Variants in RBKS observed in about 807,000 individuals in gnomAD.
The protein encoded by RBKS is ribokinase.
Under a neutral mutation model 33.9 loss-of-function variants are expected in RBKS, and 33 were observed. That is an observed-to-expected ratio of 0.97 (90% CI 0.74 to 1.30). The LOEUF (loss-of-function observed/expected upper bound fraction) is 1.30, where lower values mean the gene tolerates loss of function less well. Among genes scored for constraint, RBKS ranks in the 50% most tolerant of loss-of-function variants. RBKS has a pLI of 0.00. For synonymous variants in RBKS, 125 were observed against 143.0 expected (o/e 0.87, Z 0.90); for missense variants, 361 against 392.6 (o/e 0.92, Z 0.68).
chr2:27,821,610 A>C lies in RBKS; in HGVS notation c.795+5957T>G, dbSNP rs568141182. On this transcript the variant is annotated intron_variant, in intron 7 of 7. Transcript: ENST00000302188. ...GCTCTCCTTCCCTCCTTGAACACTA[A>C]AGTATGTATTAATTTCACAAGTAGG... Among the ~76,000 whole-genome samples, 3 of 152,268 alleles carry C rather than the reference A, an allele frequency of 2.0e-5. No individual in the cohort carries two copies. The South Asian group carries it at 6.2e-4, about 32-fold the overall frequency.
chr2:27,794,534 T>C (rs547686315), intron 7 of RBKS, among the ~76,000 whole-genome samples: 4 of 151,676 alleles, frequency 2.6e-5, no homozygotes, highest in Admixed American at 6.6e-5. Context: ...ACCCACCTCA[T>C]TGAGGCAGTT....
At chr2:27,882,602 A>T (rs913581352) in intron 1 of RBKS, among the ~76,000 whole-genome samples, 7 of 152,232 alleles carry the variant, frequency 4.6e-5, no homozygotes, top group Non-Finnish European at 4.4e-5. Flanking sequence ...AATATAAATC[A>T]TTCTGTAACA....
intron 1 of RBKS, among the ~76,000 whole-genome samples, chr2:27,888,660 A>G (rs1288114701): frequency 6.6e-6 from 1 of 152,216 alleles, no homozygotes; most frequent in Non-Finnish European, 1.5e-5. Flanking sequence ...CACCAGTAAA[A>G]TCAATTGCTA....
At chr2:27,861,451 C>G (rs1663982369) in intron 1 of RBKS, 1 of 470,274 alleles carries the variant, frequency 2.1e-6, no homozygotes. Flanking sequence ...CAGCAGCATT[C>G]CTCTTCCACA....
chr2:27,888,982 G>C (rs987933184), intron 1 of RBKS, among the ~76,000 whole-genome samples: 2 of 152,200 alleles, frequency 1.3e-5, no homozygotes, highest in Non-Finnish European at 2.9e-5. Context: ...CACAGTGTCT[G>C]ACAGAATAGT....
At chr2:27,816,286 T>G (rs544269097) in intron 7 of RBKS, among the ~76,000 whole-genome samples, 104 of 152,378 alleles carry the variant, frequency 6.8e-4, no homozygotes, top group Middle Eastern at 6.8e-3. Flanking sequence ...GTGGAAGTAA[T>G]GTAATAGAGC....
At chr2:27,829,320 T>G (rs1228243169) in intron 6 of RBKS, among the ~76,000 whole-genome samples, 2 of 152,028 alleles carry the variant, frequency 1.3e-5, no homozygotes, top group African/African-American at 4.8e-5. Context: ...GTTGGAAAGC[T>G]GTCACACATC....
chr2:27,871,030 G>C, intron 1 of RBKS: 1 of 385,240 alleles, frequency 2.6e-6, no homozygotes, highest in Non-Finnish European at 5.4e-6. Flanking sequence ...TCATCAATTT[G>C]TCTAGTTATG....
chr2:27,858,022 T>C (rs997688069), intron 2 of RBKS, among the ~76,000 whole-genome samples: 6 of 152,208 alleles, frequency 3.9e-5, no homozygotes, highest in Admixed American at 1.3e-4. Context: ...TGGAATATTA[T>C]TCAACCACAA....
chr2:27,858,799 C>A (rs1441787015), intron 1 of RBKS, among the ~76,000 whole-genome samples: 1 of 152,196 alleles, frequency 6.6e-6, no homozygotes, highest in Non-Finnish European at 1.5e-5. Context: ...CTCCTAGAGA[C>A]CACTACTGTG....
intron 7 of RBKS, among the ~76,000 whole-genome samples, chr2:27,816,598 G>A (rs766815563): frequency 1.3e-5 from 2 of 151,738 alleles, no homozygotes; most frequent in Non-Finnish European, 2.9e-5. Flanking sequence ...ACAATCTAAG[G>A]ATATGTGTTT....
intron 1 of RBKS, among the ~76,000 whole-genome samples, chr2:27,880,077 T>G (rs921324415): frequency 3.3e-5 from 5 of 152,188 alleles, no homozygotes; most frequent in Admixed American, 2.6e-4. Flanking sequence ...GAATCCACCA[T>G]GATCAAGTAG....
intron 7 of RBKS, among the ~76,000 whole-genome samples, chr2:27,821,192 G>C (rs981502478): frequency 5.3e-5 from 8 of 151,748 alleles, no homozygotes; most frequent in African/African-American, 1.7e-4. Flanking sequence ...TTTAATTTTG[G>C]CCAAACTTAT....
chr2:27,833,755 GAT>G (rs962792569), intron 5 of RBKS, among the ~76,000 whole-genome samples: 8 of 152,060 alleles, frequency 5.3e-5, no homozygotes, highest in African/African-American at 1.9e-4. Flanking sequence ...CGTAAATGTA[GAT>G]ATATATATAT....
At chr2:27,854,750 CTT>C (rs773901822) in intron 2 of RBKS, among the ~76,000 whole-genome samples, 7 of 133,634 alleles carry the variant, frequency 5.2e-5, no homozygotes, top group Admixed American at 7.5e-5. Context: ...GTTGCTTTTT[CTT>C]TTTTTTTTTT....
chr2:27,788,757 T>C (rs1337709934), intron 7 of RBKS, among the ~76,000 whole-genome samples: 8 of 152,172 alleles, frequency 5.3e-5, no homozygotes, highest in South Asian at 2.1e-4. Context: ...ATCAAAACAT[T>C]TGCAACAGCA....
intron 5 of RBKS, among the ~76,000 whole-genome samples, chr2:27,840,918 G>A (rs556403554): frequency 3.3e-5 from 5 of 152,252 alleles, no homozygotes; most frequent in East Asian, 1.9e-4. Context: ...AAATGTGTAC[G>A]AAAGTACTTT....
intron 5 of RBKS, among the ~76,000 whole-genome samples, chr2:27,833,541 A>G (rs1678464346): frequency 6.6e-6 from 1 of 152,160 alleles, no homozygotes; most frequent in Non-Finnish European, 1.5e-5. Flanking sequence ...AGGAAAGTGA[A>G]GCTCAGAAAG....
chr2:27,781,910 A>G, intron 7 of RBKS, 122 bp from the exon 8 acceptor site: 1 of 852,980 alleles, frequency 1.2e-6, no homozygotes, highest in South Asian at 2.1e-5. Flanking sequence ...AGGTACAAGG[A>G]TAATACAGAG....
Sources: gnomAD v4.1 joint callset for allele counts (sites outside exome capture counted in the v4.1 genomes callset) on GRCh38, gnomAD v4.1.1 for gene constraint, MANE v1.5 for transcripts, NCBI Gene and HGNC (gene_info 2026-07-23, HGNC 2026-07-21) for gene names.